Variants in FBXO8 observed in about 807,000 individuals in gnomAD.
FBXO8 encodes F-box protein 8.
Under a neutral mutation model 33.4 loss-of-function variants are expected in FBXO8, and 15 were observed. That is an observed-to-expected ratio of 0.45 (90% CI 0.30 to 0.69). The LOEUF is 0.69. FBXO8 is among the 30% of genes least tolerant of loss of function. FBXO8 has a pLI of 0.08. For synonymous variants in FBXO8, 132 were observed against 131.5 expected (o/e 1.00, Z -0.02); for missense variants, 274 against 380.3 (o/e 0.72, Z 2.32).
intron 1 of FBXO8, among the ~76,000 whole-genome samples, chr4:174,266,266 T>C (rs1163835441): frequency 6.6e-6 from 1 of 152,002 alleles, no homozygotes; most frequent in Admixed American, 6.6e-5. Context: ...ATAATAATAA[T>C]GGGGAGGTTG....
intron 1 of FBXO8, among the ~76,000 whole-genome samples, chr4:174,282,881 A>T (rs1737160911): frequency 6.6e-6 from 1 of 152,220 alleles, no homozygotes; most frequent in African/African-American, 2.4e-5. Flanking sequence ...CCTTCTACGT[A>T]AGAGATTAGA....
At chr4:174,266,369 A>G (rs1190920373) in intron 1 of FBXO8, among the ~76,000 whole-genome samples, 1 of 152,218 alleles carries the variant, frequency 6.6e-6, no homozygotes, top group Non-Finnish European at 1.5e-5. Context: ...CAATACTGAA[A>G]ATTGTCCCCT....
chr4:174,239,106 A>G lies in FBXO8; in HGVS notation c.660T>C (p.His220=). The change falls in exon 5 of 6, where the codon CAT becomes CAC. Residue 220 remains histidine, a synonymous_variant. Coordinates refer to ENST00000393674, the MANE Select transcript of FBXO8 (RefSeq NM_012180.3). ...LPNALREFFR[H]IHAPEERGEY... ...CTCCACGCTCTTCAGGGGCATGGAT[A>G]TGACGAAAAAATTCTCTCAGTGCAT... 1 of 1,608,624 alleles carries G rather than the reference A, an allele frequency of 6.2e-7. No homozygotes were observed. The highest frequency in any genetic ancestry group is 8.5e-7 in the Non-Finnish European group (1 of 1,176,832).
Position 174,272,947 on chromosome 4 carries a change from G to GA in FBXO8, c.-8-9848_-8-9847insT. On this transcript the variant is annotated intron_variant, in intron 1 of 5. Transcript: ENST00000393674. The surrounding 1 kb of genome is among the most constrained non-coding windows in gnomAD (Gnocchi z 4.7). ...AAAAATCCATAATCTGAATTTAATA[G>GA]GGAATATCAGAGAAACTCAAAAGGC... Among the ~76,000 whole-genome samples the GA allele has an allele frequency of 6.6e-6, 1 of 152,112 alleles. No individual in the cohort carries two copies. The highest frequency in any genetic ancestry group is 2.1e-4 in the South Asian group (1 of 4,832).
rs781357938 is a variant in FBXO8 at position 174,237,503 on chromosome 4, C to T, written c.869G>A (p.Arg290Gln). Residue 290 changes from arginine to glutamine, a missense_variant, in exon 6 of 6, where the codon CGA becomes CAA. Arg to Gln is a conservative substitution (Grantham distance 43, BLOSUM62 1). This residue lies in a region of FBXO8 where 186 missense variants were observed against 293.4 expected (regional missense o/e 0.63). Transcript: ENST00000393674. This position sits in a 1 kb window ranked among gnomAD's most constrained non-coding sequence, Gnocchi z 4.4. ...ATTTTGAGCAGCGCGACGGGTATTT[C>T]GAATAAATTCCCTTTTTGACATTTT... ...KNKMSKREFI[R>Q]NTRRAAQNIS... 3.7e-6 allele frequency: 6 copies of T among 1,613,664 alleles called. No homozygotes were observed. Among genetic ancestry groups the T allele is most frequent in the African/African-American group, 1.3e-5 (1 of 74,988 alleles).
At position 174,262,676 on chromosome 4, in the gene FBXO8, A is replaced by G. The variant is rs1736596546; in HGVS notation, c.329+88T>C. 5.2e-6 allele frequency: 6 copies of G among 1,157,766 alleles called. No individual in the cohort carries two copies. The South Asian group carries it at 9.8e-5, about 19-fold the overall frequency. 71.7% of individuals were successfully genotyped at this position (1,157,766 alleles called of 1,614,324 possible). A position where few individuals can be genotyped will look rare whatever the true frequency, so the allele number is the denominator to read the frequency against. ...AAGTACAAGCCCAAGTTTAAAGAAA[A>G]TATTTTGTAATATACATTATAAAAA... On this transcript the variant is annotated intron_variant, in intron 2 of 5. Transcript: ENST00000393674. The surrounding 1 kb of genome is among the most constrained non-coding windows in gnomAD (Gnocchi z 4.6).
intron 3 of FBXO8, among the ~76,000 whole-genome samples, chr4:174,244,118 G>A (rs1052219791): frequency 1.3e-5 from 2 of 151,640 alleles, no homozygotes; most frequent in African/African-American, 4.8e-5. Context: ...GAAAAGATGT[G>A]TGTGGTTGTA....
In FBXO8 at chr4:174,262,736, G is replaced by A; in HGVS notation, c.329+28C>T. The A allele has an allele frequency of 1.3e-6, 2 of 1,588,456 alleles. No individual in the cohort carries two copies. Among genetic ancestry groups the A allele is most frequent in the South Asian group, 2.2e-5 (2 of 90,308 alleles). On this transcript the variant is annotated intron_variant, in intron 2 of 5. Transcript: ENST00000393674. This position sits in a 1 kb window ranked among gnomAD's most constrained non-coding sequence, Gnocchi z 4.6. ...AGCATGATTATGTTTAGAGATACCT[G>A]AATTCAACTTTGGTGGGTTTAACTT...
chr4:174,267,733 T>G lies in FBXO8; in HGVS notation c.-8-4633A>C, dbSNP rs1272652252. ...AAAGTTTTCAGATTTGTGTTAAAAGTTTTAATAATATCTTGGTATAAAGAT... is the reference window on the plus strand; with the variant it reads ...AAAGTTTTCAGATTTGTGTTAAAAGGTTTAATAATATCTTGGTATAAAGAT... On this transcript the variant is annotated intron_variant, in intron 1 of 5. Coordinates refer to ENST00000393674, the MANE Select transcript of FBXO8 (RefSeq NM_012180.3). The surrounding 1 kb of genome is among the most constrained non-coding windows in gnomAD (Gnocchi z 4.7). 1.3e-5 allele frequency among the ~76,000 whole-genome samples: 2 copies of G among 150,918 alleles called. No individual in the cohort carries two copies. The highest frequency in any genetic ancestry group is 3.0e-5 in the Non-Finnish European group (2 of 67,234).
rs1268221227 is a variant in FBXO8 at position 174,256,823 on chromosome 4, T to C, written c.456+2876A>G. Among the ~76,000 whole-genome samples the C allele has an allele frequency of 6.6e-6, 1 of 152,056 alleles. No homozygotes were observed. Among genetic ancestry groups the C allele is most frequent in the Non-Finnish European group, 1.5e-5 (1 of 68,012 alleles). On this transcript the variant is annotated intron_variant, in intron 3 of 5. Transcript: ENST00000393674. The surrounding 1 kb of genome is among the most constrained non-coding windows in gnomAD (Gnocchi z 4.6). ...CAAGACACATTGAGTGGCTCAGCTC[T>C]ATGCCTCCTGGGAGTACTACATGGC...
rs1424892360 is a variant in FBXO8 at position 174,257,142 on chromosome 4, A to G, written c.456+2557T>C. ...CACCCTAGAGGAGGTACTAACAAGA[A>G]CTGTATAGTTTGATATTGGTAGCTG... On this transcript the variant is annotated intron_variant, in intron 3 of 5. Transcript: ENST00000393674. This position sits in a 1 kb window ranked among gnomAD's most constrained non-coding sequence, Gnocchi z 4.3. 6.6e-6 allele frequency among the ~76,000 whole-genome samples: 1 copy of G among 152,124 alleles called. No homozygotes were observed. Among genetic ancestry groups the G allele is most frequent in the East Asian group, 1.9e-4 (1 of 5,194 alleles).
chr4:174,275,659 T>C lies in FBXO8; in HGVS notation c.-9+7751A>G, dbSNP rs1017757523. Among the ~76,000 whole-genome samples the C allele has an allele frequency of 1.1e-4, 17 of 152,200 alleles. No individual in the cohort carries two copies. Among genetic ancestry groups the C allele is most frequent in the Non-Finnish European group, 1.8e-4 (12 of 68,022 alleles). On this transcript the variant is annotated intron_variant, in intron 1 of 5. Transcript: ENST00000393674. This position sits in a 1 kb window ranked among gnomAD's most constrained non-coding sequence, Gnocchi z 4.4. ...TTTTATAAAAAGGAATTAGAAACTCTAATGAATGCTTTAAAGAGGGTGAGC... is the reference window on the plus strand; with the variant it reads ...TTTTATAAAAAGGAATTAGAAACTCCAATGAATGCTTTAAAGAGGGTGAGC...
rs781192695 is a variant in FBXO8 at position 174,252,282 on chromosome 4, T to G, written c.456+7417A>C. On this transcript the variant is annotated intron_variant, in intron 3 of 5. Coordinates refer to ENST00000393674, the MANE Select transcript of FBXO8 (RefSeq NM_012180.3). The surrounding 1 kb of genome is among the most constrained non-coding windows in gnomAD (Gnocchi z 5.1). The stretch of plus-strand genomic sequence containing the variant: ...CTGACTGTACCCAGTTAGCAATGTT[T>G]ATTTTTAAAAATTTGCATTGAGGAT... 2.9e-4 allele frequency among the ~76,000 whole-genome samples: 44 copies of G among 152,186 alleles called. No homozygotes were observed. Among genetic ancestry groups the G allele is most frequent in the Non-Finnish European group, 5.9e-4 (40 of 68,032 alleles).
chr4:174,269,367 C>T (rs1373452293), intron 1 of FBXO8, among the ~76,000 whole-genome samples: 1 of 151,716 alleles, frequency 6.6e-6, no homozygotes, highest in Non-Finnish European at 1.5e-5. Context: ...CGCAACTGTA[C>T]ATTTTCTCCT....
chr4:174,282,582 G>A (rs948668668), intron 1 of FBXO8, among the ~76,000 whole-genome samples: 14 of 152,146 alleles, frequency 9.2e-5, no homozygotes, highest in African/African-American at 3.4e-4. Flanking sequence ...GTTGAGAAGT[G>A]TGTAGAGCTC....
chr4:174,240,250 T>A (rs1280970103), intron 4 of FBXO8, among the ~76,000 whole-genome samples: 2 of 151,736 alleles, frequency 1.3e-5, no homozygotes, highest in Non-Finnish European at 3.0e-5. Context: ...GATCTTTACA[T>A]CTTTCAATGA....
chr4:174,276,039 T>A (rs1373169174), intron 1 of FBXO8, among the ~76,000 whole-genome samples: 1 of 152,190 alleles, frequency 6.6e-6, no homozygotes, highest in African/African-American at 2.4e-5. Flanking sequence ...ATAAGCTATA[T>A]GAATTAATTT....
At position 174,262,792 on chromosome 4, in the gene FBXO8, G is replaced by A. The variant is rs760065820; in HGVS notation, c.301C>T (p.Leu101Phe). 6.2e-7 allele frequency: 1 copy of A among 1,613,532 alleles called. No individual in the cohort carries two copies. The highest frequency in any genetic ancestry group is 1.3e-5 in the African/African-American group (1 of 74,908). ...LCLASCVWQD[L>F]ANDELLWQGL... ...TGCCAGAGAAGTTCATCATTCGCAA[G>A]GTCCTGCCAAACACATGAAGCCAAG... is the stretch of plus-strand genomic sequence containing the variant. Residue 101 changes from leucine to phenylalanine, a missense_variant, in exon 2 of 6, where the codon CTT becomes TTT. Leu to Phe is a conservative substitution (Grantham distance 22, BLOSUM62 0). Coordinates refer to ENST00000393674, the MANE Select transcript of FBXO8 (RefSeq NM_012180.3). The surrounding 1 kb of genome is among the most constrained non-coding windows in gnomAD (Gnocchi z 4.6).
chr4:174,242,053 T>C (rs1255773685), intron 3 of FBXO8, among the ~76,000 whole-genome samples: 1 of 151,642 alleles, frequency 6.6e-6, no homozygotes, highest in Non-Finnish European at 1.5e-5. Context: ...TGGATTTGAA[T>C]GTGCAGTTAT....
Sources: allele counts gnomAD v4.1 joint callset (sites outside exome capture counted in the v4.1 genomes callset), GRCh38; gene constraint gnomAD v4.1.1; regional missense constraint gnomAD v4.1.1; non-coding constraint Gnocchi (gnomAD v3.1); transcripts MANE v1.5; gene names NCBI Gene and HGNC (gene_info 2026-07-23, HGNC 2026-07-21).